Variants in ROBO2 observed in about 807,000 individuals in gnomAD.
The protein encoded by ROBO2 is roundabout guidance receptor 2, also known as roundabout homolog 2.
Under a neutral mutation model 160.8 loss-of-function variants are expected in ROBO2, and 53 were observed. The observed-to-expected ratio is 0.33, with a 90% confidence interval of 0.26 to 0.41. The LOEUF (loss-of-function observed/expected upper bound fraction) is 0.41. ROBO2 is among the 10% of genes least tolerant of loss of function. The pLI, the probability that ROBO2 is intolerant of heterozygous loss-of-function variation, is 1.00. For synonymous variants in ROBO2, 664 were observed against 611.7 expected, an observed-to-expected ratio of 1.09 and a Z score of -1.26; for missense variants, 1,577 against 1,722.4, an observed-to-expected ratio of 0.92 and a Z score of 1.49.
chr3:76,994,319 A>C (rs1190560508), intron 2 of ROBO2, among the ~76,000 whole-genome samples: 1 of 152,156 alleles, frequency 6.6e-6, no homozygotes, highest in Non-Finnish European at 1.5e-5. Flanking sequence ...TGGCTTGTGA[A>C]CTTGATTATT....
At chr3:77,331,529 C>G (rs896901055) in intron 2 of ROBO2, among the ~76,000 whole-genome samples, 1 of 151,894 alleles carries the variant, frequency 6.6e-6, no homozygotes, top group African/African-American at 2.4e-5. Context: ...AAAACAAAAC[C>G]TTTTTAGAAA....
intron 1 of ROBO2, among the ~76,000 whole-genome samples, chr3:75,933,514 G>T (rs1362934725): frequency 6.6e-6 from 1 of 151,736 alleles, no homozygotes; most frequent in Non-Finnish European, 1.5e-5. Flanking sequence ...GTTCCAGAGA[G>T]GATTTTTTTT....
intron 23 of ROBO2, among the ~76,000 whole-genome samples, chr3:77,623,655 G>C (rs1168082478): frequency 1.3e-5 from 2 of 152,158 alleles, no homozygotes; most frequent in Non-Finnish European, 2.9e-5. Context: ...TCCAACCGAA[G>C]GTGACAGAGC....
intron 2 of ROBO2, among the ~76,000 whole-genome samples, chr3:76,656,548 T>C (rs369242235): frequency 4.6e-5 from 7 of 152,086 alleles, no homozygotes; most frequent in African/African-American, 1.7e-4. Context: ...AGTAGAAGCA[T>C]GGATAGGAGA....
At chr3:75,951,305 C>T (rs1198202226) in intron 2 of ROBO2, among the ~76,000 whole-genome samples, 9 of 152,152 alleles carry the variant, frequency 5.9e-5, no homozygotes, top group African/African-American at 1.7e-4. Flanking sequence ...GATTGGAAAA[C>T]GTCTTTCTGT....
chr3:77,603,119 C>T (rs2094464595), intron 20 of ROBO2: 1 of 455,352 alleles, frequency 2.2e-6, no homozygotes, highest in Non-Finnish European at 4.4e-6. Flanking sequence ...GACCTGTGTT[C>T]CTAACAACCA....
intron 2 of ROBO2, among the ~76,000 whole-genome samples, chr3:76,327,877 A>G (rs1287484054): frequency 6.7e-5 from 10 of 149,292 alleles, no homozygotes; most frequent in Admixed American, 1.3e-4. Flanking sequence ...GAAGAATGTG[A>G]AAAAAAAAAG....
intron 14 of ROBO2, among the ~76,000 whole-genome samples, 189 bp downstream of exon 15, chr3:77,574,919 T>C (rs146579017): frequency 2.0e-5 from 3 of 152,202 alleles, no homozygotes; most frequent in African/African-American, 7.2e-5. Flanking sequence ...ACTAATGTAA[T>C]TTGAATTTTT....
chr3:76,152,179 G>T (rs1407407703), intron 2 of ROBO2, among the ~76,000 whole-genome samples: 1 of 152,150 alleles, frequency 6.6e-6, no homozygotes, highest in African/African-American at 2.4e-5. Context: ...TGAACTGAGG[G>T]AGCTAAGCCA....
chr3:76,988,813 G>C (rs115915869), intron 2 of ROBO2, among the ~76,000 whole-genome samples: 4,664 of 152,154 alleles, frequency 0.031, 90 homozygotes, highest in Middle Eastern at 0.051. Context: ...ATCAAGAAGT[G>C]AATATGTATT....
intron 6 of ROBO2, among the ~76,000 whole-genome samples, chr3:77,526,111 C>T (rs1306839702): frequency 6.6e-6 from 1 of 151,308 alleles, no homozygotes; most frequent in African/African-American, 2.4e-5. Context: ...GCAAACACAC[C>T]CTATATGTTA....
At chr3:77,284,696 A>C (rs2060466501) in intron 2 of ROBO2, among the ~76,000 whole-genome samples, 1 of 152,108 alleles carries the variant, frequency 6.6e-6, no homozygotes, top group South Asian at 2.1e-4. Context: ...GCTGTTTAAT[A>C]AGACCTGCAG....
At chr3:77,331,694 C>CTTATTTATTTAT (rs34762129) in intron 2 of ROBO2, among the ~76,000 whole-genome samples, 2 of 150,150 alleles carry the variant, frequency 1.3e-5, no homozygotes, top group African/African-American at 4.9e-5. Context: ...TATTTATTTA[C>CTTATTTATTTAT]TTATTTATTT....
At chr3:76,734,207 T>C (rs2093676451) in intron 2 of ROBO2, among the ~76,000 whole-genome samples, 1 of 152,178 alleles carries the variant, frequency 6.6e-6, no homozygotes, top group African/African-American at 2.4e-5. Context: ...TACTAATTTA[T>C]CAAGATATAT....
At chr3:76,163,526 T>C (rs2072717420) in intron 2 of ROBO2, among the ~76,000 whole-genome samples, 1 of 149,114 alleles carries the variant, frequency 6.7e-6, no homozygotes, top group Non-Finnish European at 1.5e-5. Context: ...TATAATGTTA[T>C]ATTGTATATG....
At chr3:77,092,509 T>C (rs2070431426) in intron 1 of ROBO2, among the ~76,000 whole-genome samples, 1 of 149,514 alleles carries the variant, frequency 6.7e-6, no homozygotes, top group Non-Finnish European at 1.5e-5. Context: ...CTCTGAACAA[T>C]TTTTGTTATC....
chr3:76,976,983 T>C (rs1162595740), intron 2 of ROBO2, among the ~76,000 whole-genome samples: 2 of 152,194 alleles, frequency 1.3e-5, no homozygotes, highest in Non-Finnish European at 2.9e-5. Flanking sequence ...TGTTGAGTAA[T>C]ACAGTGTCTT....
chr3:76,702,830 A>G (rs2093075792), intron 2 of ROBO2, among the ~76,000 whole-genome samples: 1 of 152,140 alleles, frequency 6.6e-6, no homozygotes, highest in South Asian at 2.1e-4. Flanking sequence ...CGAGAAGGTA[A>G]GACGAAAGTT....
intron 24 of ROBO2, among the ~76,000 whole-genome samples, chr3:77,637,279 A>G (rs1001769722): frequency 1.3e-5 from 2 of 152,196 alleles, no homozygotes; most frequent in Non-Finnish European, 2.9e-5. Context: ...AGCTTAGTTG[A>G]AAAAGAAGAA....
Sources: gnomAD v4.1 joint callset for allele counts (sites outside exome capture counted in the v4.1 genomes callset) on GRCh38, gnomAD v4.1.1 for gene constraint, MANE v1.5 for transcripts, NCBI Gene and HGNC (gene_info 2026-07-23, HGNC 2026-07-21) for gene names.